Variants in DCLK2 observed in about 807,000 individuals in gnomAD.
DCLK2 encodes serine/threonine-protein kinase DCLK2.
DCLK2 carries 31 observed loss-of-function variants against 78.4 expected under a neutral mutation model. That is an observed-to-expected ratio of 0.40 (90% CI 0.30 to 0.53). The LOEUF is 0.53. Among genes scored for constraint, DCLK2 ranks in the 20% least tolerant of loss-of-function variants. The pLI, the probability that DCLK2 is intolerant of heterozygous loss-of-function variation, is 0.61. For missense variants in DCLK2, 872 were observed against 973.7 expected, an observed-to-expected ratio of 0.90 and a Z score of 1.39; for synonymous variants, 407 against 374.9, an observed-to-expected ratio of 1.09 and a Z score of -0.99.
chr4:150,192,021 C>G (rs1020512882), intron 2 of DCLK2, among the ~76,000 whole-genome samples: 3 of 152,072 alleles, frequency 2.0e-5, no homozygotes, highest in Non-Finnish European at 4.4e-5. Context: ...ACCACATATC[C>G]CATTGAAAAC....
intron 2 of DCLK2, among the ~76,000 whole-genome samples, chr4:150,144,680 G>C (rs1734337291): frequency 6.6e-6 from 1 of 151,992 alleles, no homozygotes; most frequent in Non-Finnish European, 1.5e-5. Context: ...TCAAACTCTT[G>C]GGCTCAAGTG....
chr4:150,136,979 CTTT>C (rs35729685), intron 2 of DCLK2, among the ~76,000 whole-genome samples: 29 of 82,396 alleles, frequency 3.5e-4, no homozygotes, highest in Non-Finnish European at 4.9e-4. Flanking sequence ...TCTTCTTCTT[CTTT>C]TTTTTTTTTT....
intron 2 of DCLK2, among the ~76,000 whole-genome samples, chr4:150,112,619 G>A (rs1331365454): frequency 2.6e-5 from 4 of 151,534 alleles, no homozygotes; most frequent in South Asian, 2.1e-4. Flanking sequence ...GTTTGTTGGA[G>A]GTTTTCTTTA....
chr4:150,136,294 G>T (rs1420710039), intron 2 of DCLK2, among the ~76,000 whole-genome samples: 4 of 152,190 alleles, frequency 2.6e-5, no homozygotes, highest in African/African-American at 9.7e-5. Flanking sequence ...TAAAGTCCAG[G>T]ATGTGGCAGT....
intron 2 of DCLK2, among the ~76,000 whole-genome samples, chr4:150,130,964 A>T (rs1458427944): frequency 6.6e-6 from 1 of 152,200 alleles, no homozygotes; most frequent in East Asian, 1.9e-4. Context: ...CTAAGGGGCC[A>T]CTAAATGTTG....
intron 12 of DCLK2, among the ~76,000 whole-genome samples, chr4:150,247,141 T>C (rs1333879948): frequency 3.3e-5 from 5 of 151,900 alleles, no homozygotes; most frequent in Admixed American, 3.3e-4. Flanking sequence ...CAGATACTGA[T>C]TTTTTTCCCC....
intron 15 of DCLK2, among the ~76,000 whole-genome samples, chr4:150,254,749 T>G (rs772196169): frequency 3.9e-5 from 6 of 152,156 alleles, no homozygotes; most frequent in Non-Finnish European, 8.8e-5. Context: ...GGTGTGATCC[T>G]AGCTCACTGT....
chr4:150,134,179 C>T (rs935720914), intron 2 of DCLK2, among the ~76,000 whole-genome samples: 3 of 141,056 alleles, frequency 2.1e-5, no homozygotes, highest in Non-Finnish European at 4.5e-5. Context: ...CTCCTAGGTT[C>T]AAGTGATTTT....
At chr4:150,095,387 C>T (rs1172540749) in intron 1 of DCLK2, among the ~76,000 whole-genome samples, 8 of 152,224 alleles carry the variant, frequency 5.3e-5, no homozygotes, top group African/African-American at 1.9e-4. Context: ...TCATAGCACA[C>T]ATATTCTTTT....
intron 2 of DCLK2, among the ~76,000 whole-genome samples, chr4:150,188,496 A>G (rs1183152313): frequency 1.3e-5 from 2 of 152,132 alleles, no homozygotes; most frequent in Non-Finnish European, 2.9e-5. Context: ...TGCTTAACCA[A>G]ATAGGCATTC....
chr4:150,152,654 T>C lies in DCLK2; in HGVS notation c.757-40484T>C, dbSNP rs573568387. On this transcript the variant is annotated intron_variant, in intron 2 of 15. Coordinates refer to ENST00000296550, the MANE Select transcript of DCLK2 (RefSeq NM_001040260.4). ...CTGATTCAAAACAATAAATGACCCA[T>C]GTACTGCCCTGAGAGAAGCGGAATG... Among the ~76,000 whole-genome samples, 8 of 152,314 alleles carry C rather than the reference T, an allele frequency of 5.3e-5. No homozygotes were observed. The East Asian group carries it at 1.5e-3, about 29-fold the overall frequency.
intron 10 of DCLK2, among the ~76,000 whole-genome samples, chr4:150,236,765 TG>T (rs1416985375): frequency 6.6e-6 from 1 of 152,212 alleles, no homozygotes; most frequent in Admixed American, 6.5e-5. Context: ...TGTCCAGCAT[TG>T]GGGAGAGATG....
chr4:150,199,495 T>A (rs922957439), intron 4 of DCLK2, among the ~76,000 whole-genome samples: 3 of 152,200 alleles, frequency 2.0e-5, no homozygotes, highest in Non-Finnish European at 4.4e-5. Context: ...CACTGAAATC[T>A]TAGAATTATT....
chr4:150,132,028 A>C (rs1484821767), intron 2 of DCLK2, among the ~76,000 whole-genome samples: 3 of 152,168 alleles, frequency 2.0e-5, no homozygotes, highest in Admixed American at 2.0e-4. Flanking sequence ...TTGCACATCC[A>C]TAAAGGCAGC....
At position 150,232,388 on chromosome 4, in the gene DCLK2, A is replaced by C; in HGVS notation, c.1351A>C (p.Asn451His). 6.2e-7 allele frequency: 1 copy of C among 1,614,106 alleles called. No individual in the cohort carries two copies. The highest frequency in any genetic ancestry group is 8.5e-7 in the Non-Finnish European group (1 of 1,179,992). ...VSILRRVKHP[N>H]IIMLVEEMET... ...AATACTGCGCCGAGTGAAACATCCC[A>C]ATATCATTATGCTGGTCGAGGAGAT... The change falls in exon 9 of 16, where the codon AAT becomes CAT. Residue 451 changes from asparagine (N) to histidine (H), a missense_variant. Asn to His is a moderately conservative substitution (Grantham distance 68). Transcript: ENST00000296550.
At chr4:150,252,063 G>C (rs1436831049) in intron 15 of DCLK2, among the ~76,000 whole-genome samples, 1 of 152,112 alleles carries the variant, frequency 6.6e-6, no homozygotes, top group Non-Finnish European at 1.5e-5. Context: ...GGTTTCCCTT[G>C]AATTTTAGCA....
At chr4:150,225,572 C>T (rs933187168) in intron 8 of DCLK2, among the ~76,000 whole-genome samples, 5 of 152,176 alleles carry the variant, frequency 3.3e-5, no homozygotes, top group South Asian at 2.1e-4. Flanking sequence ...TTGAATGTAG[C>T]GAGTCTGGAT....
At chr4:150,093,680 C>T (rs1351400318) in intron 1 of DCLK2, among the ~76,000 whole-genome samples, 2 of 152,162 alleles carry the variant, frequency 1.3e-5, no homozygotes, top group African/African-American at 4.8e-5. Context: ...CGCCCAGCCT[C>T]AATGGCATTT....
chr4:150,194,487 A>G (rs1425113914), intron 3 of DCLK2, among the ~76,000 whole-genome samples: 3 of 151,924 alleles, frequency 2.0e-5, no homozygotes, highest in Non-Finnish European at 4.4e-5. Flanking sequence ...TTGCCAATAT[A>G]TGGCATTTTC....
Sources: gnomAD v4.1 joint callset for allele counts (sites outside exome capture counted in the v4.1 genomes callset) on GRCh38, gnomAD v4.1.1 for gene constraint, MANE v1.5 for transcripts, NCBI Gene and HGNC (gene_info 2026-07-23, HGNC 2026-07-21) for gene names.